The following MGMT variants were observed in gnomAD, a reference collection of about 807,000 sequenced individuals.
The protein encoded by MGMT is O-6-methylguanine-DNA methyltransferase, also known as methylated-DNA--protein-cysteine methyltransferase.
Under a neutral mutation model 15.9 loss-of-function variants are expected in MGMT, and 14 were observed. The observed-to-expected ratio is 0.88, with a 90% confidence interval of 0.58 to 1.37. The LOEUF is 1.37. Among genes scored for constraint, MGMT ranks in the 40% most tolerant of loss-of-function variants. MGMT has a pLI of 0.00. For missense variants in MGMT, 282 were observed against 268.1 expected, an observed-to-expected ratio of 1.05 and a Z score of -0.36; for synonymous variants, 130 against 118.2, an observed-to-expected ratio of 1.10 and a Z score of -0.65.
chr10:129,482,680 T>C (rs1405728738), intron 1 of MGMT, among the ~76,000 whole-genome samples: 1 of 152,188 alleles, frequency 6.6e-6, no homozygotes, highest in Non-Finnish European at 1.5e-5. Flanking sequence ...TATTCCTTTT[T>C]TGAAATTATT....
At chr10:129,605,167 A>G (rs541884212) in intron 2 of MGMT, among the ~76,000 whole-genome samples, 1 of 152,216 alleles carries the variant, frequency 6.6e-6, no homozygotes, top group Non-Finnish European at 1.5e-5. Flanking sequence ...ATTACTGGCC[A>G]TTGAAAGAAA....
chr10:129,567,342 C>G (rs1164041916), intron 2 of MGMT, among the ~76,000 whole-genome samples: 3 of 152,074 alleles, frequency 2.0e-5, no homozygotes, highest in African/African-American at 7.2e-5. Flanking sequence ...CATCATAGAC[C>G]CAGCAGGACA....
intron 1 of MGMT, among the ~76,000 whole-genome samples, chr10:129,490,765 C>T (rs1021536525): frequency 1.3e-5 from 2 of 151,970 alleles, no homozygotes; most frequent in Non-Finnish European, 1.5e-5. Flanking sequence ...TTATTTGTTC[C>T]TGTATTTCTA....
intron 1 of MGMT, among the ~76,000 whole-genome samples, chr10:129,521,985 T>C (rs1845815839): frequency 6.6e-6 from 1 of 152,248 alleles, no homozygotes; most frequent in Non-Finnish European, 1.5e-5. Context: ...GGAGATGGAC[T>C]GACCAGTGGT....
intron 1 of MGMT, among the ~76,000 whole-genome samples, chr10:129,475,581 C>G (rs919696252): frequency 6.6e-6 from 1 of 152,174 alleles, no homozygotes; most frequent in Admixed American, 6.5e-5. Context: ...GTTTCTGTCA[C>G]CATTGTGTTA....
At chr10:129,615,208 T>C (rs553828756) in intron 2 of MGMT, among the ~76,000 whole-genome samples, 5 of 152,248 alleles carry the variant, frequency 3.3e-5, no homozygotes, top group Admixed American at 3.3e-4. Flanking sequence ...GTCTAGAAAT[T>C]AGGTTTGTTT....
chr10:129,612,322 T>C (rs1846969888), intron 2 of MGMT, among the ~76,000 whole-genome samples: 1 of 152,166 alleles, frequency 6.6e-6, no homozygotes. Flanking sequence ...TCTGTGTGGA[T>C]GTTAGTGCCG....
chr10:129,657,949 G>T (rs1417717535), intron 2 of MGMT, among the ~76,000 whole-genome samples: 1 of 152,066 alleles, frequency 6.6e-6, no homozygotes, highest in Non-Finnish European at 1.5e-5. Flanking sequence ...ATTTTCTTTG[G>T]CTGAGGAAAT....
chr10:129,619,390 A>G (rs1847065092), intron 2 of MGMT, among the ~76,000 whole-genome samples: 1 of 152,214 alleles, frequency 6.6e-6, no homozygotes, highest in Non-Finnish European at 1.5e-5. Flanking sequence ...CATAGAAATA[A>G]TAAATATACA....
chr10:129,469,910 G>A (rs530306627), intron 1 of MGMT, among the ~76,000 whole-genome samples: 42 of 152,074 alleles, frequency 2.8e-4, no homozygotes, highest in African/African-American at 9.2e-4. Context: ...CAGGGTCTCC[G>A]TATGTTGCCT....
At chr10:129,595,827 C>T (rs1011515427) in intron 2 of MGMT, among the ~76,000 whole-genome samples, 2 of 152,066 alleles carry the variant, frequency 1.3e-5, no homozygotes, top group Non-Finnish European at 2.9e-5. Flanking sequence ...TCGGGGAGTT[C>T]CTCCTGTCTT....
chr10:129,759,629 C>T (rs759459104), intron 4 of MGMT, among the ~76,000 whole-genome samples: 6 of 152,196 alleles, frequency 3.9e-5, no homozygotes, highest in South Asian at 4.2e-4. Context: ...GAGTGGCAAG[C>T]GGGCAGAGGG....
chr10:129,586,727 T>C (rs1348370846), intron 2 of MGMT, among the ~76,000 whole-genome samples: 1 of 152,246 alleles, frequency 6.6e-6, no homozygotes, highest in African/African-American at 2.4e-5. Flanking sequence ...CGTATGCTTC[T>C]AATTCTCTTA....
chr10:129,560,997 G>A (rs970446042), intron 2 of MGMT, among the ~76,000 whole-genome samples: 1 of 145,972 alleles, frequency 6.9e-6, no homozygotes, highest in African/African-American at 2.6e-5. Context: ...GTGTGTGTGT[G>A]TTCCTTTCCC....
chr10:129,703,906 G>A (rs987710581), intron 2 of MGMT, among the ~76,000 whole-genome samples: 5 of 152,150 alleles, frequency 3.3e-5, no homozygotes, highest in Non-Finnish European at 5.9e-5. Context: ...GTTGAAGGTC[G>A]GGGCACATGG....
At chr10:129,721,690 A>G (rs1039073678) in intron 3 of MGMT, among the ~76,000 whole-genome samples, 4 of 152,330 alleles carry the variant, frequency 2.6e-5, no homozygotes, top group African/African-American at 9.6e-5. Context: ...CAAGTATAAT[A>G]TTTAAGGGCA....
intron 2 of MGMT, among the ~76,000 whole-genome samples, chr10:129,669,339 C>CT (rs753322333): frequency 9.2e-5 from 14 of 152,122 alleles, no homozygotes; most frequent in African/African-American, 1.7e-4. Flanking sequence ...CTCTAATTTC[C>CT]TTTTTTTCCT....
In MGMT at chr10:129,566,302, C is replaced by G. The variant is rs1056324578; in HGVS notation, c.125+29925C>G. Among the ~76,000 whole-genome samples, 2 of 152,208 alleles carry G rather than the reference C, an allele frequency of 1.3e-5. No individual in the cohort carries two copies. Among genetic ancestry groups the G allele is most frequent in the African/African-American group, 4.8e-5 (2 of 41,458 alleles). ...AGCCTTGGGCAGAGGTGAGGCAGAGCTCTGACTGTTTCATTCGACTACGTT... is the reference window on the plus strand; with the variant it reads ...AGCCTTGGGCAGAGGTGAGGCAGAGGTCTGACTGTTTCATTCGACTACGTT... On this transcript the variant is annotated intron_variant, in intron 2 of 4. Coordinates refer to ENST00000651593, the MANE Select transcript of MGMT (RefSeq NM_002412.5). This position sits in a 1 kb window ranked among gnomAD's most constrained non-coding sequence, Gnocchi z 4.1.
chr10:129,667,203 C>T (rs1371020942), intron 2 of MGMT, among the ~76,000 whole-genome samples: 1 of 152,152 alleles, frequency 6.6e-6, no homozygotes, highest in Non-Finnish European at 1.5e-5. Flanking sequence ...CGTGTTTCTT[C>T]CCATCTTTTC....
Sources: gnomAD v4.1 joint callset for allele counts (sites outside exome capture counted in the v4.1 genomes callset) on GRCh38, gnomAD v4.1.1 for gene constraint, Gnocchi (gnomAD v3.1) non-coding constraint, MANE v1.5 for transcripts, NCBI Gene and HGNC (gene_info 2026-07-23, HGNC 2026-07-21) for gene names.